Variants in MYRIP observed in about 807,000 individuals in gnomAD.
The protein encoded by MYRIP is myosin VIIA and Rab interacting protein, also known as rab effector MyRIP.
MYRIP carries 49 observed loss-of-function variants against 98.0 expected under a neutral mutation model. The observed-to-expected ratio is 0.50, with a 90% CI of 0.40 to 0.63. The LOEUF (loss-of-function observed/expected upper bound fraction) is 0.63. MYRIP is among the 30% of genes least tolerant of loss of function. The pLI, the probability that MYRIP is intolerant of heterozygous loss-of-function variation, is 0.00. For synonymous variants in MYRIP, 404 were observed against 409.5 expected (o/e 0.99, Z 0.16); for missense variants, 1,004 against 1,058.2 (o/e 0.95, Z 0.71).
chr3:40,094,647 G>A (rs1427173851), intron 3 of MYRIP, among the ~76,000 whole-genome samples: 1 of 152,170 alleles, frequency 6.6e-6, no homozygotes, highest in African/African-American at 2.4e-5. Flanking sequence ...GTAGGTGTTT[G>A]GGAATCCCAT....
At chr3:40,024,226 A>T (rs1216442808) in intron 2 of MYRIP, among the ~76,000 whole-genome samples, 1 of 152,174 alleles carries the variant, frequency 6.6e-6, no homozygotes, top group Non-Finnish European at 1.5e-5. Flanking sequence ...ATAGCTCTTA[A>T]ATGAAGGATC....
chr3:40,065,885 G>A (rs1487858497), intron 3 of MYRIP, among the ~76,000 whole-genome samples: 1 of 152,154 alleles, frequency 6.6e-6, no homozygotes, highest in Non-Finnish European at 1.5e-5. Flanking sequence ...CTTAGCAAAT[G>A]TGGAGTTGAA....
chr3:39,963,572 C>A (rs939519994), intron 2 of MYRIP, among the ~76,000 whole-genome samples: 1 of 152,054 alleles, frequency 6.6e-6, no homozygotes, highest in Non-Finnish European at 1.5e-5. Flanking sequence ...CAGGGATGAC[C>A]CCCTGCTTCT....
intron 3 of MYRIP, among the ~76,000 whole-genome samples, chr3:40,139,308 C>T (rs776873665): frequency 9.2e-5 from 14 of 152,184 alleles, no homozygotes; most frequent in South Asian, 2.1e-4. Flanking sequence ...TACAGTTCAA[C>T]GGGTTTTGAC....
chr3:39,851,502 C>T (rs111624796), intron 1 of MYRIP, among the ~76,000 whole-genome samples: 7 of 152,128 alleles, frequency 4.6e-5, no homozygotes, highest in South Asian at 2.1e-4. Context: ...CCATCTAATG[C>T]CATTAGAAAT....
chr3:39,823,476 TGTAA>T (rs1013033096), intron 1 of MYRIP, among the ~76,000 whole-genome samples: 5 of 152,214 alleles, frequency 3.3e-5, no homozygotes, highest in African/African-American at 9.6e-5. Context: ...ACCAACAGTA[TGTAA>T]GTGTTTTCTT....
At chr3:40,188,604 C>A (rs2125627096) in intron 9 of MYRIP, among the ~76,000 whole-genome samples, 1 of 152,290 alleles carries the variant, frequency 6.6e-6, no homozygotes, top group East Asian at 1.9e-4. Flanking sequence ...ATGGTTAAAC[C>A]CCGCCTCTAC....
intron 1 of MYRIP, among the ~76,000 whole-genome samples, chr3:39,823,065 G>A (rs1392099906): frequency 6.8e-6 from 1 of 147,662 alleles, no homozygotes; most frequent in Non-Finnish European, 1.5e-5. Flanking sequence ...TATCACCCAG[G>A]CTGGAGTGCA....
intron 3 of MYRIP, among the ~76,000 whole-genome samples, chr3:40,071,579 G>A (rs56302839): frequency 0.37 from 55,770 of 151,782 alleles, 10,423 homozygotes; most frequent in East Asian, 0.59. Context: ...GAGGCTTTTA[G>A]GAATCTAAGG....
chr3:39,965,403 A>G (rs1265964562), intron 2 of MYRIP, among the ~76,000 whole-genome samples: 1 of 152,152 alleles, frequency 6.6e-6, no homozygotes, highest in African/African-American at 2.4e-5. Context: ...GAGCTACTTA[A>G]TGATTTGCTG....
At chr3:39,917,472 TTAA>T (rs143377838) in intron 2 of MYRIP, among the ~76,000 whole-genome samples, 64,040 of 145,368 alleles carry the variant, frequency 0.44, 14,270 homozygotes, top group East Asian at 0.53. Flanking sequence ...AATAGGAAAA[TTAA>T]AAAAAAAAAA....
intron 1 of MYRIP, among the ~76,000 whole-genome samples, chr3:39,838,633 G>A (rs533514833): frequency 1.3e-5 from 2 of 151,862 alleles, no homozygotes; most frequent in South Asian, 2.1e-4. Flanking sequence ...GAGGATTTTC[G>A]CATTGATGTT....
At chr3:40,077,859 G>T (rs556299221) in intron 3 of MYRIP, among the ~76,000 whole-genome samples, 4 of 152,254 alleles carry the variant, frequency 2.6e-5, no homozygotes, top group African/African-American at 9.6e-5. Flanking sequence ...AGTGGATCCC[G>T]CACCGGGGCT....
At chr3:40,078,229 C>T (rs1012027722) in intron 3 of MYRIP, among the ~76,000 whole-genome samples, 1 of 152,226 alleles carries the variant, frequency 6.6e-6, no homozygotes, top group Non-Finnish European at 1.5e-5. Context: ...GAGTGCGGCC[C>T]GCCAAGCCCA....
At chr3:39,954,705 T>G (rs1945111352) in intron 2 of MYRIP, among the ~76,000 whole-genome samples, 1 of 151,954 alleles carries the variant, frequency 6.6e-6, no homozygotes, top group Non-Finnish European at 1.5e-5. Context: ...CCTCAGACAA[T>G]CGGTAATAAC....
chr3:39,930,658 C>T (rs1944516440), intron 2 of MYRIP, among the ~76,000 whole-genome samples: 1 of 151,954 alleles, frequency 6.6e-6, no homozygotes, highest in Non-Finnish European at 1.5e-5. Flanking sequence ...ATAAATTTAT[C>T]TCTTAAATTG....
Position 39,825,958 on chromosome 3 carries a change from T to C in MYRIP, c.-31+16042T>C, listed in dbSNP as rs193056750. On this transcript the variant is annotated intron_variant, in intron 1 of 16. Coordinates refer to ENST00000302541, the MANE Select transcript of MYRIP (RefSeq NM_015460.4). ...TGTCCATCTCTTCTAAGGTTTTAAA[T>C]TTATGGGTATATAGTTGTTTATAAT... 6.8e-4 allele frequency among the ~76,000 whole-genome samples: 103 copies of C among 152,250 alleles called. 1 individual carries two copies. Among genetic ancestry groups the C allele is most frequent in the Non-Finnish European group, 8.2e-4 (56 of 67,992 alleles).
At chr3:40,211,034 A>C (rs1951913534) in intron 11 of MYRIP, among the ~76,000 whole-genome samples, 1 of 152,150 alleles carries the variant, frequency 6.6e-6, no homozygotes, top group Non-Finnish European at 1.5e-5. Flanking sequence ...TTAGGTCCTT[A>C]AATAACCCTT....
chr3:39,976,831 G>A (rs1480451479), intron 2 of MYRIP, among the ~76,000 whole-genome samples: 3 of 152,054 alleles, frequency 2.0e-5, no homozygotes, highest in Admixed American at 6.6e-5. Flanking sequence ...TCACTCATAG[G>A]TAGAAATTGA....
Sources: gnomAD v4.1 joint callset for allele counts (sites outside exome capture counted in the v4.1 genomes callset) on GRCh38, gnomAD v4.1.1 for gene constraint, MANE v1.5 for transcripts, NCBI Gene and HGNC (gene_info 2026-07-23, HGNC 2026-07-21) for gene names.